GAREM1: variants seen among roughly 807,000 people sequenced by gnomAD.
GAREM1 encodes the protein GRB2-associated and regulator of MAPK protein 1.
A neutral mutation model predicts 71.3 loss-of-function variants in GAREM1; 26 were observed. That is an observed-to-expected ratio of 0.36 (90% CI 0.27 to 0.51). The LOEUF (loss-of-function observed/expected upper bound fraction) is 0.51, where lower values mean the gene tolerates loss of function less well. Among genes scored for constraint, GAREM1 ranks in the 20% least tolerant of loss-of-function variants. The pLI, the probability that GAREM1 is intolerant of heterozygous loss-of-function variation, is 0.95. For synonymous variants in GAREM1, 440 were observed against 433.2 expected (o/e 1.02, Z -0.20); for missense variants, 1,026 against 1,103.1 (o/e 0.93, Z 0.99).
At chr18:32,355,297 A>T (rs1200587404) in intron 2 of GAREM1, among the ~76,000 whole-genome samples, 1 of 152,192 alleles carries the variant, frequency 6.6e-6, no homozygotes, top group African/African-American at 2.4e-5. Context: ...ACAAAGCAAG[A>T]GGCCTATGGT....
chr18:32,281,285 C>T (rs913890190), intron 4 of GAREM1, among the ~76,000 whole-genome samples: 2 of 149,290 alleles, frequency 1.3e-5, no homozygotes, highest in African/African-American at 2.5e-5. Flanking sequence ...TTCAGATGGC[C>T]CAACTGACTT....
At chr18:32,434,634 A>T (rs2048657370) in intron 1 of GAREM1, among the ~76,000 whole-genome samples, 1 of 152,152 alleles carries the variant, frequency 6.6e-6, no homozygotes, top group African/African-American at 2.4e-5. Context: ...ACTCATACTG[A>T]TATAAATTAA....
At chr18:32,333,635 T>C (rs560216084) in intron 2 of GAREM1, among the ~76,000 whole-genome samples, 3 of 152,202 alleles carry the variant, frequency 2.0e-5, no homozygotes, top group African/African-American at 7.2e-5. Flanking sequence ...CCACTCTTTT[T>C]AATTCAAAGG....
chr18:32,276,632 T>C (rs2041546435), intron 4 of GAREM1, among the ~76,000 whole-genome samples: 1 of 152,132 alleles, frequency 6.6e-6, no homozygotes. Context: ...AGGTAGAACA[T>C]AGAAGAACAT....
At chr18:32,424,535 A>G (rs1345411964) in intron 1 of GAREM1, among the ~76,000 whole-genome samples, 1 of 152,206 alleles carries the variant, frequency 6.6e-6, no homozygotes, top group East Asian at 1.9e-4. Context: ...ACGTAAATCA[A>G]TTTACCAGGG....
At chr18:32,449,424 C>T (rs964676554) in intron 1 of GAREM1, among the ~76,000 whole-genome samples, 3 of 152,178 alleles carry the variant, frequency 2.0e-5, no homozygotes, top group Non-Finnish European at 2.9e-5. Flanking sequence ...CGGGGGCTCA[C>T]GCCTGCAATC....
chr18:32,412,688 G>C (rs1225233032), intron 1 of GAREM1: 1 of 1,504,960 alleles, frequency 6.6e-7, no homozygotes, highest in Non-Finnish European at 9.1e-7. Flanking sequence ...ATTTCTGAAT[G>C]ACAATCTTAT....
chr18:32,287,235 T>C lies in GAREM1; in HGVS notation c.1362A>G (p.Glu454=). Reference sequence around the variant, plus strand: ...GCTTGCCTTCCTCCAGCCACAGCTCTTCGTAGGGAAGTTCTGACTTTCCCG... The same window carrying C: ...GCTTGCCTTCCTCCAGCCACAGCTCCTCGTAGGGAAGTTCTGACTTTCCCG... ...GIPGKSELPY[E]ELWLEEGKPS... is the part of the protein sequence containing the mutation. The change falls in exon 4 of 6, where the codon GAA becomes GAG. Residue 454 remains glutamate (E), a synonymous_variant. Transcript: ENST00000269209. This position sits in a 1 kb window ranked among gnomAD's most constrained non-coding sequence, Gnocchi z 5.9. 6 of 1,614,214 alleles carry C rather than the reference T, an allele frequency of 3.7e-6. No individual in the cohort carries two copies. The highest frequency in any genetic ancestry group is 5.1e-6 in the Non-Finnish European group (6 of 1,180,028).
chr18:32,406,117 T>C (rs2048363176), intron 1 of GAREM1, among the ~76,000 whole-genome samples: 1 of 152,226 alleles, frequency 6.6e-6, no homozygotes, highest in Non-Finnish European at 1.5e-5. Context: ...CCATTCCTTA[T>C]TCTTTTAGTT....
At chr18:32,293,013 G>C (rs1350343355) in intron 3 of GAREM1, among the ~76,000 whole-genome samples, 4 of 152,104 alleles carry the variant, frequency 2.6e-5, no homozygotes, top group Admixed American at 2.0e-4. Context: ...TGGAAGGAGA[G>C]ACAGAAATAC....
At chr18:32,364,038 T>TTTGTTTTTTTTTG (rs2047904738) in intron 2 of GAREM1, among the ~76,000 whole-genome samples, 6 of 51,302 alleles carry the variant, frequency 1.2e-4, no homozygotes, top group African/African-American at 3.1e-4. Flanking sequence ...GTTTTTTTTT[T>TTTGTTTTTTTTTG]TTTTTTTTTT....
At chr18:32,307,615 T>C (rs752626781) in intron 3 of GAREM1, among the ~76,000 whole-genome samples, 56 of 152,118 alleles carry the variant, frequency 3.7e-4, no homozygotes, top group Admixed American at 9.8e-4. Context: ...CTCTGCCTCC[T>C]GGGTTCAAGC....
intron 2 of GAREM1, among the ~76,000 whole-genome samples, chr18:32,383,145 T>C (rs917570593): frequency 1.3e-5 from 2 of 152,240 alleles, no homozygotes; most frequent in Non-Finnish European, 2.9e-5. Flanking sequence ...CCTACGGTGT[T>C]CTGTAAACCA....
intron 2 of GAREM1, among the ~76,000 whole-genome samples, chr18:32,383,103 C>G (rs576033306): frequency 6.6e-6 from 1 of 152,188 alleles, no homozygotes; most frequent in South Asian, 2.1e-4. Context: ...CTCACACTCA[C>G]GCATTGGCTT....
intron 2 of GAREM1, among the ~76,000 whole-genome samples, chr18:32,364,009 TA>T (rs1567980600): frequency 1.6e-4 from 8 of 50,534 alleles, no homozygotes; most frequent in African/African-American, 8.4e-4. Flanking sequence ...TATATATATA[TA>T]TATATATATA....
intron 4 of GAREM1, among the ~76,000 whole-genome samples, chr18:32,282,340 C>T (rs1039046879): frequency 2.0e-5 from 3 of 152,134 alleles, no homozygotes; most frequent in African/African-American, 4.8e-5. Flanking sequence ...GCAGGGGAAT[C>T]GCTTGAACCC....
chr18:32,310,173 G>C lies in GAREM1; in HGVS notation c.393+20C>G, dbSNP rs2047302790. 1 of 1,612,062 alleles carries C rather than the reference G, an allele frequency of 6.2e-7. No homozygotes were observed. ...TTATCTTTAGTGAGTATAAATATTTGGTGCTTCAAGAGCTACTACCTTCAC... is the reference window on the plus strand; with the variant it reads ...TTATCTTTAGTGAGTATAAATATTTCGTGCTTCAAGAGCTACTACCTTCAC... On this transcript the variant is annotated intron_variant, in intron 3 of 5. Coordinates refer to ENST00000269209, the MANE Select transcript of GAREM1 (RefSeq NM_001242409.2).
Position 32,372,544 on chromosome 18 carries a change from C to T in GAREM1, c.262+20351G>A, listed in dbSNP as rs188655797. 3.0e-3 allele frequency among the ~76,000 whole-genome samples: 463 copies of T among 152,260 alleles called. 4 individuals carry two copies. The highest frequency in any genetic ancestry group is 0.011 in the African/African-American group (441 of 41,554). The stretch of plus-strand genomic sequence containing the variant: ...CCTCTGAAAACAAACAACCTTTTAG[C>T]AAGGGGGTACTGACAATATACACCC... On this transcript the variant is annotated intron_variant, in intron 2 of 5. Transcript: ENST00000269209.
intron 1 of GAREM1, among the ~76,000 whole-genome samples, chr18:32,438,919 G>A (rs533461066): frequency 6.6e-6 from 1 of 152,302 alleles, no homozygotes; most frequent in South Asian, 2.1e-4. Flanking sequence ...AACAGAAGTA[G>A]CACAGCTTTC....
Sources: gnomAD v4.1 joint callset for allele counts (sites outside exome capture counted in the v4.1 genomes callset) on GRCh38, gnomAD v4.1.1 for gene constraint, Gnocchi (gnomAD v3.1) non-coding constraint, MANE v1.5 for transcripts, NCBI Gene and HGNC (gene_info 2026-07-23, HGNC 2026-07-21) for gene names.